Variants in PPP1R12B observed in about 807,000 individuals in gnomAD.
PPP1R12B encodes the protein protein phosphatase 1 regulatory subunit 12B.
Under a neutral mutation model 126.1 loss-of-function variants are expected in PPP1R12B, and 76 were observed. That is an observed-to-expected ratio of 0.60 (90% CI 0.50 to 0.73). The LOEUF is 0.73. Among genes scored for constraint, PPP1R12B ranks in the 30% least tolerant of loss-of-function variants. The pLI is 0.00. For missense variants in PPP1R12B, 1,052 were observed against 1,205.1 expected (o/e 0.87, Z 1.88); for synonymous variants, 356 against 434.7 (o/e 0.82, Z 2.25).
chr1:202,364,441 T>A (rs1389073575), intron 1 of PPP1R12B, among the ~76,000 whole-genome samples: 1 of 152,178 alleles, frequency 6.6e-6, no homozygotes, highest in African/African-American at 2.4e-5. Flanking sequence ...AGCAACATGA[T>A]AACATTGCAA....
Position 202,590,227 on chromosome 1 carries a change from A to G in PPP1R12B, c.*9667A>G, listed in dbSNP as rs1294217616. On this transcript the variant is annotated 3_prime_UTR_variant, in exon 24 of 24. Transcript: ENST00000608999. Reference sequence around the variant, plus strand: ...GGGCTCAGACTGTGGCTGTTCCCTAAGCCCAGCTCTACTGGAAGGGAATTC... The same window carrying G: ...GGGCTCAGACTGTGGCTGTTCCCTAGGCCCAGCTCTACTGGAAGGGAATTC... The G allele has an allele frequency of 6.6e-6, 1 of 152,150 alleles. No individual in the cohort carries two copies. The highest frequency in any genetic ancestry group is 2.4e-5 in the African/African-American group (1 of 41,424). The allele number at this position is 152,150 out of a possible 1,614,324, so 9.4% of individuals were successfully genotyped here. A position where few individuals can be genotyped will look rare whatever the true frequency, so the allele number is the denominator to read the frequency against.
Position 202,433,022 on chromosome 1 carries a change from C to T in PPP1R12B, c.1141+1403C>T, listed in dbSNP as rs545352895. Among the ~76,000 whole-genome samples, 4 of 152,214 alleles carry T rather than the reference C, an allele frequency of 2.6e-5. No homozygotes were observed. In the East Asian group the frequency reaches 7.7e-4, roughly 29 times the overall value. On this transcript the variant is annotated intron_variant, in intron 8 of 23. Transcript: ENST00000608999. ...CAGTCACCAAAAGGAAGTTAGAGAA[C>T]CATCAGTTCTATAGAGAAGAAAGGC...
intron 23 of PPP1R12B, chr1:202,575,891 T>C (rs1558394929): frequency 6.6e-6 from 1 of 152,214 alleles, no homozygotes; most frequent in South Asian, 2.1e-4. Flanking sequence ...AAACTCAAGG[T>C]TGGAACTGTT....
intron 13 of PPP1R12B, among the ~76,000 whole-genome samples, chr1:202,458,130 T>G (rs1249566985): frequency 6.8e-6 from 1 of 146,846 alleles, no homozygotes; most frequent in Non-Finnish European, 1.5e-5. Flanking sequence ...GTTTTGTTTT[T>G]CAAAGAAACC....
At chr1:202,574,226 G>A (rs1173287365) in intron 23 of PPP1R12B, among the ~76,000 whole-genome samples, 3 of 147,810 alleles carry the variant, frequency 2.0e-5, no homozygotes, top group Non-Finnish European at 4.5e-5. Context: ...AAAAATAAAT[G>A]AGGCCAAATG....
At chr1:202,416,955 G>T in intron 2 of PPP1R12B, 38 bp downstream of exon 2, 1 of 1,583,984 alleles carries the variant, frequency 6.3e-7, no homozygotes, top group South Asian at 1.1e-5. Context: ...TGTAGTATTT[G>T]TAGGAATAGC....
chr1:202,517,481 C>G (rs1307132397), intron 18 of PPP1R12B, among the ~76,000 whole-genome samples: 1 of 152,084 alleles, frequency 6.6e-6, no homozygotes, highest in African/African-American at 2.4e-5. Context: ...TTTATTGTTA[C>G]TGCAACCCAC....
chr1:202,440,290 A>C (rs1037799502), intron 10 of PPP1R12B, among the ~76,000 whole-genome samples: 12 of 152,338 alleles, frequency 7.9e-5, no homozygotes, highest in Admixed American at 6.5e-4. Context: ...ATACTATTGT[A>C]CATATTCCTA....
At chr1:202,468,403 A>G (rs1256750037) in intron 13 of PPP1R12B, among the ~76,000 whole-genome samples, 1 of 152,112 alleles carries the variant, frequency 6.6e-6, no homozygotes, top group Non-Finnish European at 1.5e-5. Flanking sequence ...ATTTTTGTAT[A>G]AGGTGTAAGG....
intron 23 of PPP1R12B, among the ~76,000 whole-genome samples, chr1:202,572,107 A>T (rs558484394): frequency 1.2e-4 from 18 of 152,352 alleles, no homozygotes; most frequent in African/African-American, 4.3e-4. Context: ...CTCTTCATTC[A>T]GACTATGGTT....
At position 202,588,873 on chromosome 1, in the gene PPP1R12B, A is replaced by AGATAGATAG. The variant is rs1553332024; in HGVS notation, c.*8313_*8314insGATAGATAG. ...TAGATAGATAGATAGATAGATAGAT[A>AGATAGATAG]TCAAGGTTCCAAGCTTCAAGTAACC... On this transcript the variant is annotated 3_prime_UTR_variant, in exon 24 of 24. Coordinates refer to ENST00000608999, the MANE Select transcript of PPP1R12B (RefSeq NM_002481.4). 8.6e-6 allele frequency: 1 copy of AGATAGATAG among 116,368 alleles called. No homozygotes were observed. The highest frequency in any genetic ancestry group is 5.4e-5 in the African/African-American group (1 of 18,596). The allele number at this position is 116,368 out of a possible 1,614,324, so 7.2% of individuals were successfully genotyped here. A position where few individuals can be genotyped will look rare whatever the true frequency, so the allele number is the denominator to read the frequency against.
intron 1 of PPP1R12B, among the ~76,000 whole-genome samples, chr1:202,405,872 TAG>T (rs1571861005): frequency 6.6e-6 from 1 of 152,234 alleles, no homozygotes; most frequent in East Asian, 1.9e-4. Context: ...AATATATTAT[TAG>T]CTTTGACTAT....
At chr1:202,495,806 T>G (rs2148858461) in intron 17 of PPP1R12B, 124 bp downstream of exon 17, 3 of 838,486 alleles carry the variant, frequency 3.6e-6, no homozygotes, top group East Asian at 5.3e-5. Flanking sequence ...GAAGTATTAC[T>G]GAGGAAAAGA....
intron 13 of PPP1R12B, among the ~76,000 whole-genome samples, chr1:202,480,372 A>G (rs1677194616): frequency 1.3e-5 from 2 of 152,348 alleles, no homozygotes; most frequent in African/African-American, 2.4e-5. Context: ...ATGATAAATC[A>G]GTAGAACATG....
At chr1:202,439,901 A>T in intron 10 of PPP1R12B, 1 of 251,232 alleles carries the variant, frequency 4.0e-6, no homozygotes, top group Non-Finnish European at 8.0e-6. Flanking sequence ...CACACTGTCT[A>T]GGCTCACTTC....
At chr1:202,511,243 G>A (rs1367903240) in intron 18 of PPP1R12B, among the ~76,000 whole-genome samples, 2 of 150,360 alleles carry the variant, frequency 1.3e-5, no homozygotes, top group East Asian at 1.9e-4. Context: ...TTGAGACAGA[G>A]TCTCCTTCTG....
At chr1:202,363,194 A>G (rs570335848) in intron 1 of PPP1R12B, among the ~76,000 whole-genome samples, 65 of 152,294 alleles carry the variant, frequency 4.3e-4, no homozygotes, top group African/African-American at 1.5e-3. Flanking sequence ...GCACATTTGT[A>G]TTGAGCACTT....
At position 202,585,066 on chromosome 1, in the gene PPP1R12B, A is replaced by C. The variant is rs577560245; in HGVS notation, c.*4506A>C. The C allele has an allele frequency of 6.6e-6, 1 of 152,528 alleles. No homozygotes were observed. Among genetic ancestry groups the C allele is most frequent in the Admixed American group, 6.5e-5 (1 of 15,306 alleles). 9.4% of individuals were successfully genotyped at this position (152,528 alleles called of 1,614,324 possible). ...GGCTGGAGTGCAGTGGTGTGATCTC[A>C]GCTCACTGCAACCTCCACCTCCCAG... is the stretch of plus-strand genomic sequence containing the variant. On this transcript the variant is annotated 3_prime_UTR_variant, in exon 24 of 24. Transcript: ENST00000608999.
At chr1:202,548,804 C>CTATATATATATA (rs1321500598) in intron 18 of PPP1R12B, among the ~76,000 whole-genome samples, 8 of 82,278 alleles carry the variant, frequency 9.7e-5, no homozygotes, top group Admixed American at 2.9e-4. Flanking sequence ...CTCTCTCTCT[C>CTATATATATATA]TCTCTATATA....
Sources: gnomAD v4.1 joint callset for allele counts (sites outside exome capture counted in the v4.1 genomes callset) on GRCh38, gnomAD v4.1.1 for gene constraint, MANE v1.5 for transcripts, NCBI Gene and HGNC (gene_info 2026-07-23, HGNC 2026-07-21) for gene names.